The following ACO1 variants were observed in gnomAD, a reference collection of about 807,000 sequenced individuals.
The protein encoded by ACO1 is cytoplasmic aconitate hydratase.
ACO1 carries 78 observed loss-of-function variants against 105.1 expected under a neutral mutation model. That is an observed-to-expected ratio of 0.74 (90% CI 0.62 to 0.90). The LOEUF (loss-of-function observed/expected upper bound fraction) is 0.90, where lower values mean the gene tolerates loss of function less well. Among genes scored for constraint, ACO1 ranks in the 40% least tolerant of loss-of-function variants. The pLI, the probability that ACO1 is intolerant of heterozygous loss-of-function variation, is 0.00. For synonymous variants in ACO1, 364 were observed against 397.4 expected, an observed-to-expected ratio of 0.92 and a Z score of 1.00; for missense variants, 965 against 1,111.1, an observed-to-expected ratio of 0.87 and a Z score of 1.87.
chr9:32,446,824 T>C (rs1367314629), intron 19 of ACO1, among the ~76,000 whole-genome samples: 1 of 152,216 alleles, frequency 6.6e-6, no homozygotes, highest in Non-Finnish European at 1.5e-5. Flanking sequence ...TAAAGGATTT[T>C]ATGTCTCCTT....
intron 4 of ACO1, among the ~76,000 whole-genome samples, chr9:32,412,474 A>G (rs1821760434): frequency 6.6e-6 from 1 of 152,222 alleles, no homozygotes; most frequent in African/African-American, 2.4e-5. Context: ...TTCCTTGGGG[A>G]TGTAACTGAG....
rs1020998435 is a variant in ACO1, at chr9:32,454,097, C to G, written c.*3986C>G. The G allele has an allele frequency of 6.6e-6, 1 of 152,298 alleles. No homozygotes were observed. The highest frequency in any genetic ancestry group is 1.5e-5 in the Non-Finnish European group (1 of 68,022). The allele number at this position is 152,298 out of a possible 1,614,324, so 9.4% of individuals were successfully genotyped here. ...TGCTTCTACAGGATGTTAACAGTGT[C>G]CCCTGAGTAAAACAGTTCCACGGTC... is the stretch of plus-strand genomic sequence containing the variant. On this transcript the variant is annotated 3_prime_UTR_variant, in exon 21 of 21. Coordinates refer to ENST00000309951, the MANE Select transcript of ACO1 (RefSeq NM_002197.3).
intron 11 of ACO1, among the ~76,000 whole-genome samples, chr9:32,427,041 TA>T (rs1241854393): frequency 2.0e-5 from 3 of 151,520 alleles, no homozygotes; most frequent in African/African-American, 4.8e-5. Context: ...TTTATCTCTT[TA>T]AAAAAAAAGT....
At chr9:32,447,121 A>G (rs926531856) in intron 19 of ACO1, among the ~76,000 whole-genome samples, 18 of 152,134 alleles carry the variant, frequency 1.2e-4, no homozygotes, top group African/African-American at 4.3e-4. Flanking sequence ...CTGCCTTGCT[A>G]GGTTGGGGAA....
At chr9:32,393,598 C>T (rs1821311301) in intron 1 of ACO1, among the ~76,000 whole-genome samples, 1 of 152,168 alleles carries the variant, frequency 6.6e-6, no homozygotes. Flanking sequence ...GACCCACACC[C>T]TATTCATACA....
chr9:32,404,943 G>A (rs1179459595), intron 1 of ACO1, among the ~76,000 whole-genome samples: 2 of 152,216 alleles, frequency 1.3e-5, no homozygotes, highest in Admixed American at 1.3e-4. Flanking sequence ...GATGGCCTAG[G>A]GTATATACCT....
At chr9:32,448,408 C>G (rs1157259274) in intron 19 of ACO1, among the ~76,000 whole-genome samples, 1 of 152,264 alleles carries the variant, frequency 6.6e-6, no homozygotes, top group Non-Finnish European at 1.5e-5. Flanking sequence ...CAACCTCAGA[C>G]TGCTGTGCTA....
Position 32,407,323 on chromosome 9 carries a change from T to C in ACO1, c.160T>C (p.Leu54=). The change falls in exon 3 of 21, where the codon TTG becomes CTG. Residue 54 remains leucine (L), a synonymous_variant. Transcript: ENST00000309951. The part of the protein sequence containing the change: ...EAAIRNCDEF[L]VKKQDIENIL... ...AGCCATTCGGAATTGTGATGAGTTT[T>C]TGGTGAAGAAACAGGATATTGAAAA... 6.2e-7 allele frequency: 1 copy of C among 1,614,204 alleles called. No homozygotes were observed. Among genetic ancestry groups the C allele is most frequent in the East Asian group, 2.2e-5 (1 of 44,884 alleles).
rs1822779143 is a variant in ACO1 at position 32,452,048 on chromosome 9, G to A, written c.*1937G>A. On this transcript the variant is annotated 3_prime_UTR_variant, in exon 21 of 21. Coordinates refer to ENST00000309951, the MANE Select transcript of ACO1 (RefSeq NM_002197.3). The stretch of plus-strand genomic sequence containing the variant: ...CATTGCACGCCCGCCTGGGCTACAA[G>A]AGCAAAGCTCCGTCTCAAAAAAAAA... The A allele has an allele frequency of 6.8e-6, 1 of 147,204 alleles. No homozygotes were observed. The highest frequency in any genetic ancestry group is 2.5e-5 in the African/African-American group (1 of 39,830). The allele number at this position is 147,204 out of a possible 1,614,324, so 9.1% of individuals were successfully genotyped here.
At chr9:32,420,209 A>C (rs1821942829) in intron 7 of ACO1, among the ~76,000 whole-genome samples, 1 of 152,218 alleles carries the variant, frequency 6.6e-6, no homozygotes, top group South Asian at 2.1e-4. Context: ...TTGTGTGGAA[A>C]AGATATGGGA....
chr9:32,440,104 T>G (rs1289550580), intron 18 of ACO1, among the ~76,000 whole-genome samples: 5 of 151,906 alleles, frequency 3.3e-5, no homozygotes, highest in Non-Finnish European at 7.4e-5. Flanking sequence ...CCATCTCTAC[T>G]AAAAATACAA....
chr9:32,398,577 G>T (rs942254278), intron 1 of ACO1, among the ~76,000 whole-genome samples: 2 of 147,272 alleles, frequency 1.4e-5, no homozygotes, highest in Non-Finnish European at 3.0e-5. Flanking sequence ...TTCTTTCTTT[G>T]TTTTTTTTTG....
At chr9:32,424,960 C>G (rs561569077) in intron 10 of ACO1, among the ~76,000 whole-genome samples, 1 of 152,160 alleles carries the variant, frequency 6.6e-6, no homozygotes, top group African/African-American at 2.4e-5. Flanking sequence ...TGTGCATGCC[C>G]CTCCCTGCCT....
intron 4 of ACO1, 108 bp downstream of exon 4, chr9:32,408,759 TA>T: frequency 1.5e-6 from 2 of 1,325,656 alleles, no homozygotes; most frequent in South Asian, 3.3e-5. Context: ...CTTTCAAAGA[TA>T]TCTTCTGAAA....
chr9:32,445,542 A>C (rs1331482650), intron 19 of ACO1: 1 of 256,168 alleles, frequency 3.9e-6, no homozygotes, highest in Admixed American at 5.1e-5. Context: ...TGTTTTGTTG[A>C]TCTTTTCAAA....
chr9:32,450,986 A>C lies in ACO1; in HGVS notation c.*875A>C, dbSNP rs1363013277. ...TATCAGAACTGTACGGGTATAACGG[A>C]AATGTTTAGGAACCATTATGCTCGC... is the stretch of plus-strand genomic sequence containing the variant. On this transcript the variant is annotated 3_prime_UTR_variant, in exon 21 of 21. Transcript: ENST00000309951. 4 of 146,224 alleles carry C rather than the reference A, an allele frequency of 2.7e-5. No homozygotes were observed. The highest frequency in any genetic ancestry group is 1.1e-4 in the African/African-American group (4 of 36,380). The allele number at this position is 146,224 out of a possible 1,614,324, so 9.1% of individuals were successfully genotyped here.
chr9:32,387,343 T>A (rs1179451573), intron 1 of ACO1, among the ~76,000 whole-genome samples: 1 of 152,218 alleles, frequency 6.6e-6, no homozygotes, highest in Non-Finnish European at 1.5e-5. Context: ...TGCATATCTC[T>A]TCCTAACTCC....
rs886733084 is a variant in ACO1 at position 32,436,574 on chromosome 9, A to G, written c.2247+177A>G. Among the ~76,000 whole-genome samples, 14 of 152,216 alleles carry G rather than the reference A, an allele frequency of 9.2e-5. No individual in the cohort carries two copies. In the East Asian group the frequency reaches 2.1e-3, roughly 23 times the overall value. ...ATAGAATGTATCATTGACAAATTCA[A>G]ACCTTTTCTTCTTGCTTAGAGATTC... On this transcript the variant is annotated intron_variant, in intron 18 of 20. Coordinates refer to ENST00000309951, the MANE Select transcript of ACO1 (RefSeq NM_002197.3).
At chr9:32,400,729 G>A (rs1821477409) in intron 1 of ACO1, among the ~76,000 whole-genome samples, 1 of 152,132 alleles carries the variant, frequency 6.6e-6, no homozygotes. Flanking sequence ...TTAAATGACC[G>A]CTCCAGTGTT....
Sources: allele counts gnomAD v4.1 joint callset (sites outside exome capture counted in the v4.1 genomes callset), GRCh38; gene constraint gnomAD v4.1.1; transcripts MANE v1.5; gene names NCBI Gene and HGNC (gene_info 2026-07-23, HGNC 2026-07-21).